Variants in XYLB observed in about 807,000 individuals in gnomAD.
XYLB encodes the protein xylulose kinase.
A neutral mutation model predicts 78.7 loss-of-function variants in XYLB; 62 were observed. The observed-to-expected ratio is 0.79, with a 90% CI of 0.64 to 0.97. The LOEUF is 0.97. XYLB is among the 50% of genes least tolerant of loss of function. The pLI is 0.00. For synonymous variants in XYLB, 245 were observed against 247.4 expected, an observed-to-expected ratio of 0.99 and a Z score of 0.09; for missense variants, 687 against 676.8, an observed-to-expected ratio of 1.02 and a Z score of -0.17.
chr3:38,436,769 C>T, the XYLB span, among the ~76,000 whole-genome samples: 1 of 151,896 alleles, frequency 6.6e-6, no homozygotes, highest in Non-Finnish European at 1.5e-5. Flanking sequence ...TTTGGGAGGC[C>T]AAGGCAGGCA....
chr3:38,359,742 G>C (rs777158692), intron 2 of XYLB, among the ~76,000 whole-genome samples: 1 of 152,102 alleles, frequency 6.6e-6, no homozygotes, highest in Non-Finnish European at 1.5e-5. Context: ...CTCTTGGCTG[G>C]ATACTTAGGA....
chr3:38,423,018 A>G (rs1363308796), downstream of XYLB, among the ~76,000 whole-genome samples: 6 of 152,288 alleles, frequency 3.9e-5, no homozygotes, highest in South Asian at 8.3e-4. Flanking sequence ...AACAATTAGA[A>G]AAAGGACATA....
At chr3:38,411,743 A>G (rs1488431870) in intron 18 of XYLB, among the ~76,000 whole-genome samples, 1 of 151,964 alleles carries the variant, frequency 6.6e-6, no homozygotes, top group Non-Finnish European at 1.5e-5. Flanking sequence ...AAAGTGGACT[A>G]TCAACGGTTT....
At chr3:38,379,818 G>T (rs1707061551) in intron 15 of XYLB, among the ~76,000 whole-genome samples, 2 of 152,232 alleles carry the variant, frequency 1.3e-5, no homozygotes, top group South Asian at 4.1e-4. Context: ...AAACTCGGAA[G>T]ACTGATGTCT....
chr3:38,351,171 C>CAAAAAAAAAAAAAA lies in XYLB; in HGVS notation c.140+2554_140+2567dup, dbSNP rs58457623. 9.5e-4 allele frequency among the ~76,000 whole-genome samples: 22 copies of CAAAAAAAAAAAAAA among 23,084 alleles called. 2 individuals are homozygous for CAAAAAAAAAAAAAA. The highest frequency in any genetic ancestry group is 1.6e-3 in the Non-Finnish European group (16 of 10,246). The allele number at this position is 23,084 out of a possible 152,430, so 15.1% of individuals were successfully genotyped here. On this transcript the variant is annotated intron_variant, in intron 2 of 18. Transcript: ENST00000207870. ...TGGACAACAGAGGGAGAGCCTGTCT[C>CAAAAAAAAAAAAAA]AAAAAAAAAAAAAAAAAAAAAAAAA...
intron 18 of XYLB, among the ~76,000 whole-genome samples, chr3:38,404,092 C>G (rs905443083): frequency 4.6e-5 from 7 of 152,178 alleles, no homozygotes; most frequent in Admixed American, 2.0e-4. Flanking sequence ...AATGTTTTCT[C>G]CCTTAGCTCA....
chr3:38,413,024 C>G lies in XYLB; in HGVS notation c.*11C>G. 1 of 1,582,016 alleles carries G rather than the reference C, an allele frequency of 6.3e-7. No individual in the cohort carries two copies. The highest frequency in any genetic ancestry group is 8.5e-7 in the Non-Finnish European group (1 of 1,170,278). On this transcript the variant is annotated 3_prime_UTR_variant, in exon 19 of 19. Coordinates refer to ENST00000207870, the MANE Select transcript of XYLB (RefSeq NM_005108.4). ...GGGCCTCCGGAGTGAACAGGCATCC[C>G]TGTTGCCCCTGCCTGCCCAGATTTA...
intron 15 of XYLB, among the ~76,000 whole-genome samples, chr3:38,388,997 G>A (rs1707523536): frequency 6.7e-6 from 1 of 149,516 alleles, no homozygotes; most frequent in Admixed American, 6.7e-5. Context: ...CGCAGAGGGG[G>A]ATTTGGCAGG....
intron 15 of XYLB, among the ~76,000 whole-genome samples, chr3:38,381,875 C>T (rs1243695836): frequency 6.6e-6 from 1 of 152,198 alleles, no homozygotes; most frequent in African/African-American, 2.4e-5. Flanking sequence ...GTGATCTCAC[C>T]CTGCCTCCAC....
At position 38,413,641 on chromosome 3, in the gene XYLB, C is replaced by T. The variant is rs943303602; in HGVS notation, c.*628C>T. On this transcript the variant is annotated 3_prime_UTR_variant, in exon 19 of 19. Transcript: ENST00000207870. ...CCCATTCTCTCCTTTCACCATCTCT[C>T]CTCTCCCCCTCCTTCATCTCTCCTC... The T allele has an allele frequency of 3.9e-5, 6 of 152,222 alleles. No homozygotes were observed. The highest frequency in any genetic ancestry group is 1.9e-4 in the East Asian group (1 of 5,154). 9.4% of individuals were successfully genotyped at this position (152,222 alleles called of 1,614,324 possible).
chr3:38,444,745 GT>G, the XYLB span, among the ~76,000 whole-genome samples: 6 of 152,116 alleles, frequency 3.9e-5, no homozygotes, highest in African/African-American at 1.4e-4. Context: ...ATGCCTGAGT[GT>G]TTCCCATCTG....
chr3:38,361,095 C>T (rs818843), intron 3 of XYLB, among the ~76,000 whole-genome samples: 136,100 of 152,280 alleles, frequency 0.89, 61,408 homozygotes, highest in East Asian at 1. Flanking sequence ...GCTCAGCCTC[C>T]AAGATCCCTT....
chr3:38,359,288 G>A (rs1271230576), intron 2 of XYLB, among the ~76,000 whole-genome samples: 1 of 152,234 alleles, frequency 6.6e-6, no homozygotes, highest in Non-Finnish European at 1.5e-5. Flanking sequence ...GTTTAGGAAT[G>A]CCTTGAGTGG....
chr3:38,408,705 T>G (rs1708441222), intron 18 of XYLB, among the ~76,000 whole-genome samples: 2 of 149,430 alleles, frequency 1.3e-5, no homozygotes, highest in Non-Finnish European at 3.0e-5. Context: ...AAAGGGGATA[T>G]CACCACCGAG....
At chr3:38,387,137 C>T (rs1026984139) in intron 15 of XYLB, among the ~76,000 whole-genome samples, 2 of 151,788 alleles carry the variant, frequency 1.3e-5, no homozygotes, top group Non-Finnish European at 2.9e-5. Context: ...TGTATGTATC[C>T]CCTTTGTGAT....
intron 9 of XYLB, among the ~76,000 whole-genome samples, chr3:38,370,846 C>G (rs982597731): frequency 3.3e-5 from 5 of 152,142 alleles, no homozygotes; most frequent in Non-Finnish European, 7.3e-5. Context: ...CTTGGCCAGC[C>G]CTGTTCTCCA....
intron 15 of XYLB, among the ~76,000 whole-genome samples, chr3:38,390,191 A>T (rs1707588769): frequency 6.6e-6 from 1 of 152,058 alleles, no homozygotes; most frequent in South Asian, 2.1e-4. Flanking sequence ...ATTAAGGTTT[A>T]TTATTATTTT....
At chr3:38,382,807 C>T (rs189803822) in intron 15 of XYLB, among the ~76,000 whole-genome samples, 1 of 152,238 alleles carries the variant, frequency 6.6e-6, no homozygotes, top group Non-Finnish European at 1.5e-5. Flanking sequence ...GCATTATTCC[C>T]AGCCTCTAAG....
At chr3:38,440,869 CCTCT>C in the XYLB span, among the ~76,000 whole-genome samples, 19 of 150,192 alleles carry the variant, frequency 1.3e-4, no homozygotes, top group Non-Finnish European at 2.1e-4. Context: ...TTTGTCTCTT[CCTCT>C]CTCTCTCTCT....
Sources: allele counts gnomAD v4.1 joint callset (sites outside exome capture counted in the v4.1 genomes callset), GRCh38; gene constraint gnomAD v4.1.1; transcripts MANE v1.5; gene names NCBI Gene and HGNC (gene_info 2026-07-23, HGNC 2026-07-21).